Variants in PLCE1 observed in about 807,000 individuals in gnomAD.
PLCE1 encodes the protein phospholipase C epsilon 1.
PLCE1 carries 119 observed loss-of-function variants against 242.8 expected under a neutral mutation model. That is an observed-to-expected ratio of 0.49 (90% CI 0.42 to 0.57). The LOEUF (loss-of-function observed/expected upper bound fraction) is 0.57, where lower values mean the gene tolerates loss of function less well. Among genes scored for constraint, PLCE1 ranks in the 20% least tolerant of loss-of-function variants. The pLI, the probability that PLCE1 is intolerant of heterozygous loss-of-function variation, is 0.00. For synonymous variants in PLCE1, 945 were observed against 1,017.4 expected, an observed-to-expected ratio of 0.93 and a Z score of 1.35; for missense variants, 2,441 against 2,788.8, an observed-to-expected ratio of 0.88 and a Z score of 2.81.
rs1464034304 is a variant in PLCE1, at chr10:94,031,791, G to A, written c.745G>A (p.Glu249Lys). Residue 249 changes from glutamate (E) to lysine (K), a missense_variant, in exon 2 of 33, where the codon GAG becomes AAG. By Grantham distance (56) the Glu-to-Lys change is moderately conservative. Transcript: ENST00000371380. ...GGCCAAAAATTGTGATAATAAGAATGAGCAGCTGCAGTGTGATCATTGTGA... is the reference window on the plus strand; with the variant it reads ...GGCCAAAAATTGTGATAATAAGAATAAGCAGCTGCAGTGTGATCATTGTGA... ...ELAKNCDNKNEQLQCDHCDTL... is the reference protein window; with the variant it reads ...ELAKNCDNKNKQLQCDHCDTL... 7.4e-6 allele frequency: 12 copies of A among 1,613,636 alleles called. No individual in the cohort carries two copies. The highest frequency in any genetic ancestry group is 6.7e-5 in the Admixed American group (4 of 59,938).
At chr10:94,021,323 A>G (rs1200931861) in intron 1 of PLCE1, among the ~76,000 whole-genome samples, 1 of 145,788 alleles carries the variant, frequency 6.9e-6, no homozygotes. Context: ...TTAGTGTCTT[A>G]AGAAAATTTT....
rs61749238 is a variant in PLCE1, at chr10:94,031,273, C to G, written c.227C>G (p.Ala76Gly). 3 of 1,613,570 alleles carry G rather than the reference C, an allele frequency of 1.9e-6. No homozygotes were observed. In the African/African-American group the frequency reaches 4.0e-5, roughly 22 times the overall value. Residue 76 changes from alanine to glycine, a missense_variant, in exon 2 of 33, where the codon GCG becomes GGG. By Grantham distance (60) the Ala-to-Gly change is moderately conservative. This residue lies in a region of PLCE1 where 393 missense variants were observed against 378.5 expected (regional missense o/e 1.04). Transcript: ENST00000371380. ...AACTTGCCAAAGATTCTCTCAATAG[C>G]GAGGGAGAAAATAGTGAGTGATGAG... ...GSNLPKILSIAREKIVSDENS... is the reference protein window; with the variant it reads ...GSNLPKILSIGREKIVSDENS...
intron 2 of PLCE1, among the ~76,000 whole-genome samples, chr10:94,090,729 G>A (rs762601358): frequency 8.5e-5 from 13 of 152,118 alleles, no homozygotes; most frequent in African/African-American, 1.9e-4. Flanking sequence ...GTTTTTGTTC[G>A]GTGAGCCCTT....
chr10:94,191,014 G>A (rs1278927324), intron 4 of PLCE1, among the ~76,000 whole-genome samples: 1 of 152,064 alleles, frequency 6.6e-6, no homozygotes, highest in African/African-American at 2.4e-5. Context: ...CCAGTGAGAA[G>A]GATCATGTGG....
At chr10:94,147,620 G>A (rs551613103) in intron 3 of PLCE1, among the ~76,000 whole-genome samples, 1 of 152,276 alleles carries the variant, frequency 6.6e-6, no homozygotes. Flanking sequence ...CTGGATTGAA[G>A]AAGAATGAAA....
rs751179270 is a variant in PLCE1, at chr10:94,322,048, G to A, written c.6490G>A (p.Val2164Ile). The A allele has an allele frequency of 5.0e-6, 8 of 1,614,136 alleles. No homozygotes were observed. The highest frequency in any genetic ancestry group is 6.8e-6 in the Non-Finnish European group (8 of 1,179,992). ...KAPRVSTAQD[V>I]IQQTLCKAKY... is the part of the protein sequence containing the mutation. ...ACCCCGCGTCAGCACTGCACAGGAT[G>A]TCATTCAGCAGGTAAAAGCCTCTCC... is the stretch of plus-strand genomic sequence containing the variant. Residue 2164 changes from valine to isoleucine, a missense_variant, in exon 30 of 33, where the codon GTC (valine) becomes ATC (isoleucine). Physicochemically the swap from Val to Ile is conservative, Grantham distance 29. Coordinates refer to ENST00000371380, the MANE Select transcript of PLCE1 (RefSeq NM_016341.4).
rs558828249 is a variant in PLCE1, at chr10:94,249,155, C to G, written c.3096+2534C>G. ...GGTGATGTTATTCCTTGACACTGCT[C>G]TCTCTACATGAGCCATTTATGAAGT... On this transcript the variant is annotated intron_variant, in intron 8 of 32. Transcript: ENST00000371380. Among the ~76,000 whole-genome samples the G allele has an allele frequency of 2.6e-3, 392 of 152,296 alleles. 2 individuals carry two copies. Among genetic ancestry groups the G allele is most frequent in the African/African-American group, 9.0e-3 (372 of 41,558 alleles).
chr10:94,059,831 T>A (rs182106587), intron 2 of PLCE1, among the ~76,000 whole-genome samples: 48 of 152,358 alleles, frequency 3.2e-4, no homozygotes, highest in Admixed American at 2.2e-3. Flanking sequence ...ATTTCTCTTT[T>A]AGTGAATGTA....
At chr10:94,004,318 T>C (rs1045540595) in intron 1 of PLCE1, among the ~76,000 whole-genome samples, 1 of 152,104 alleles carries the variant, frequency 6.6e-6, no homozygotes, top group Non-Finnish European at 1.5e-5. Context: ...GCAGCAAACC[T>C]GCAAGATGAA....
At chr10:94,218,870 A>G (rs2049618217) in intron 4 of PLCE1, among the ~76,000 whole-genome samples, 1 of 141,724 alleles carries the variant, frequency 7.1e-6, no homozygotes, top group Admixed American at 7.3e-5. Flanking sequence ...ACTTTTATAT[A>G]TAATTATAAA....
chr10:94,120,235 C>T (rs1163929004), intron 2 of PLCE1, among the ~76,000 whole-genome samples: 2 of 152,218 alleles, frequency 1.3e-5, no homozygotes, highest in Non-Finnish European at 2.9e-5. Flanking sequence ...CTGGTGATCT[C>T]TATTCACCCA....
At chr10:94,299,521 T>A (rs1487841861) in intron 24 of PLCE1, among the ~76,000 whole-genome samples, 1 of 152,182 alleles carries the variant, frequency 6.6e-6, no homozygotes, top group Non-Finnish European at 1.5e-5. Flanking sequence ...CTACAGAAGG[T>A]AAGAGTAGAT....
chr10:94,205,167 C>A (rs1166546368), intron 4 of PLCE1, among the ~76,000 whole-genome samples: 1 of 152,124 alleles, frequency 6.6e-6, no homozygotes, highest in Non-Finnish European at 1.5e-5. Context: ...CTTTAATATG[C>A]AAAAGTAATC....
intron 4 of PLCE1, among the ~76,000 whole-genome samples, chr10:94,185,892 C>CTCATGTCA (rs2048462843): frequency 1.3e-5 from 2 of 152,228 alleles, no homozygotes; most frequent in African/African-American, 4.8e-5. Flanking sequence ...GTAATGTGGA[C>CTCATGTCA]TCATGTCATT....
At chr10:94,321,850 T>G in intron 29 of PLCE1, 51 bp from the exon 30 acceptor site, 6 of 1,431,464 alleles carry the variant, frequency 4.2e-6, no homozygotes, top group Non-Finnish European at 5.9e-6. Context: ...TTGTCTTTCT[T>G]TATTCTGCAT....
chr10:94,145,310 G>T (rs553664416), intron 3 of PLCE1, among the ~76,000 whole-genome samples: 4 of 152,294 alleles, frequency 2.6e-5, no homozygotes, highest in South Asian at 2.1e-4. Flanking sequence ...ATTTCAAGAC[G>T]TTGGACTTAG....
At chr10:94,206,117 T>C (rs1335623838) in intron 4 of PLCE1, among the ~76,000 whole-genome samples, 3 of 152,148 alleles carry the variant, frequency 2.0e-5, no homozygotes, top group African/African-American at 7.2e-5. Context: ...GGAGGGGTAG[T>C]TCTTGCAACC....
At chr10:94,284,021 T>C (rs1489795849) in intron 21 of PLCE1, 110 bp downstream of exon 21, 22 of 1,276,530 alleles carry the variant, frequency 1.7e-5, no homozygotes, top group Non-Finnish European at 2.1e-5. Context: ...TCCCCTCACT[T>C]TCCCTTAGAT....
At chr10:94,136,382 A>G (rs751775934) in intron 3 of PLCE1, among the ~76,000 whole-genome samples, 1 of 152,142 alleles carries the variant, frequency 6.6e-6, no homozygotes, top group African/African-American at 2.4e-5. Flanking sequence ...AAATGTTGAG[A>G]TAGTAAATTT....
Sources: gnomAD v4.1 joint callset for allele counts (sites outside exome capture counted in the v4.1 genomes callset) on GRCh38, gnomAD v4.1.1 for gene constraint, gnomAD v4.1.1 regional missense constraint, MANE v1.5 for transcripts, NCBI Gene and HGNC (gene_info 2026-07-23, HGNC 2026-07-21) for gene names.